HHLA2: variants seen among roughly 807,000 people sequenced by gnomAD.
HHLA2 encodes HHLA2 member of B7 family.
Under a neutral mutation model 45.9 loss-of-function variants are expected in HHLA2, and 48 were observed. The observed-to-expected ratio is 1.05, with a 90% CI of 0.83 to 1.33. The LOEUF (loss-of-function observed/expected upper bound fraction) is 1.33. Ranked by LOEUF, HHLA2 falls within the 40% of genes most tolerant of loss-of-function variation. The pLI is 0.00. For synonymous variants in HHLA2, 161 were observed against 173.9 expected (o/e 0.93, Z 0.59); for missense variants, 462 against 494.3 (o/e 0.93, Z 0.62).
At chr3:108,358,120 C>T (rs1455892963) in exon 7 of HHLA2, 15 of 1,612,880 alleles carry the variant, frequency 9.3e-6, no homozygotes, top group Non-Finnish European at 1.2e-5. Context: ...AATATTTCTT[C>T]GGATGAATAT....
rs369237811 is a variant in HHLA2, at chr3:108,357,981, C to G, written c.823C>G (p.Leu275Val). 11 of 1,613,804 alleles carry G rather than the reference C, an allele frequency of 6.8e-6. No homozygotes were observed. In the African/African-American group the frequency reaches 1.2e-4, roughly 18 times the overall value. ...GACTTTCTCTGTCCTGGCTTACTAT[C>G]TGAGCTCCTCACAAAATACAATTAT... Residue 275 changes from leucine (L) to valine (V), a missense_variant, in exon 7 of 11, where the codon CTG (leucine) becomes GTG (valine). By Grantham distance (32) the Leu-to-Val change is conservative. Around this residue, in one of 3 missense-constraint regions of HHLA2, gnomAD observed 335 missense variants for 367.4 expected, o/e 0.91. Coordinates refer to ENST00000619531, the Ensembl canonical transcript of HHLA2.
At chr3:108,376,632 CTGAT>C in intron 10 of HHLA2, 75 bp downstream of exon 9, 1 of 1,281,808 alleles carries the variant, frequency 7.8e-7, no homozygotes, top group Non-Finnish European at 1.1e-6. Flanking sequence ...GAAGTTCTGA[CTGAT>C]TCACATATCA....
At chr3:108,373,828 AG>A (rs2082224137) in intron 8 of HHLA2, among the ~76,000 whole-genome samples, 1 of 152,002 alleles carries the variant, frequency 6.6e-6, no homozygotes, top group Non-Finnish European at 1.5e-5. Context: ...GAAATAAAAG[AG>A]GATACAAACA....
chr3:108,325,236 A>C (rs949057476), intron 2 of HHLA2, among the ~76,000 whole-genome samples: 5 of 148,288 alleles, frequency 3.4e-5, no homozygotes, highest in Non-Finnish European at 7.4e-5. Context: ...TGCAAAAAAC[A>C]AAAAAAAACT....
chr3:108,328,692 C>T (rs938402353), intron 3 of HHLA2, among the ~76,000 whole-genome samples: 3 of 152,014 alleles, frequency 2.0e-5, no homozygotes, highest in African/African-American at 4.8e-5. Context: ...TTAGGAGTGG[C>T]GTTTTTTACT....
chr3:108,356,202 G>A (rs1453619115), intron 6 of HHLA2, among the ~76,000 whole-genome samples: 1 of 151,744 alleles, frequency 6.6e-6, no homozygotes, highest in Non-Finnish European at 1.5e-5. Context: ...GCTAATTTTT[G>A]TATTTTTTTA....
chr3:108,354,723 A>G (rs1360059982), intron 5 of HHLA2, among the ~76,000 whole-genome samples: 4 of 152,128 alleles, frequency 2.6e-5, no homozygotes, highest in African/African-American at 9.7e-5. Flanking sequence ...TCACAAAATT[A>G]TGTGTAAACA....
intron 3 of HHLA2, among the ~76,000 whole-genome samples, chr3:108,342,181 T>C (rs543229403): frequency 4.1e-4 from 62 of 152,044 alleles, no homozygotes; most frequent in South Asian, 3.5e-3. Flanking sequence ...CATATCCTAC[T>C]AAAGTCTTCT....
At chr3:108,310,435 G>GA (rs1298949699) in intron 1 of HHLA2, among the ~76,000 whole-genome samples, 2 of 151,960 alleles carry the variant, frequency 1.3e-5, no homozygotes, top group Admixed American at 6.6e-5. Context: ...CCTCTTATTG[G>GA]AAAAAATCAG....
intron 2 of HHLA2, among the ~76,000 whole-genome samples, chr3:108,324,629 G>A (rs2081258017): frequency 6.6e-6 from 1 of 152,166 alleles, no homozygotes; most frequent in South Asian, 2.1e-4. Context: ...TGGTAATCCT[G>A]TCCTTGCTTT....
intron 5 of HHLA2, 119 bp downstream of exon 4, chr3:108,353,899 A>G: frequency 1.4e-6 from 1 of 707,078 alleles, no homozygotes; most frequent in Non-Finnish European, 2.3e-6. Flanking sequence ...AAATCTACTT[A>G]TTTTTAACGC....
chr3:108,362,083 TC>T (rs1187925597), intron 7 of HHLA2, among the ~76,000 whole-genome samples: 1 of 152,198 alleles, frequency 6.6e-6, no homozygotes, highest in Non-Finnish European at 1.5e-5. Context: ...TCTGTAGGTT[TC>T]CCACAATAGA....
intron 7 of HHLA2, among the ~76,000 whole-genome samples, chr3:108,359,395 G>A (rs2081952368): frequency 6.6e-6 from 1 of 152,170 alleles, no homozygotes; most frequent in Non-Finnish European, 1.5e-5. Context: ...AAGAGGACTT[G>A]GCAGGAGCCA....
intron 3 of HHLA2, among the ~76,000 whole-genome samples, chr3:108,335,597 A>G (rs907445855): frequency 1.3e-5 from 2 of 152,210 alleles, no homozygotes; most frequent in Admixed American, 1.3e-4. Context: ...AACATAGAAG[A>G]AGATTGACTA....
chr3:108,328,329 C>T (rs2107369587), exon 3 of HHLA2: 1 of 1,531,386 alleles, frequency 6.5e-7, no homozygotes, highest in Admixed American at 2.0e-5. Context: ...ATACTAAAGC[C>T]TAGAACGCAC....
At chr3:108,330,099 G>A (rs1277402083) in intron 3 of HHLA2, among the ~76,000 whole-genome samples, 3 of 152,178 alleles carry the variant, frequency 2.0e-5, no homozygotes, top group Non-Finnish European at 2.9e-5. Flanking sequence ...ACACAGCACA[G>A]CAGCTGATCT....
At chr3:108,318,054 G>T (rs954185380) in intron 2 of HHLA2, among the ~76,000 whole-genome samples, 1 of 151,814 alleles carries the variant, frequency 6.6e-6, no homozygotes, top group South Asian at 2.1e-4. Flanking sequence ...GGTGGCACAT[G>T]CCTGTAATCC....
chr3:108,302,991 C>T (rs1385897198), intron 1 of HHLA2, among the ~76,000 whole-genome samples: 1 of 152,052 alleles, frequency 6.6e-6, no homozygotes, highest in Non-Finnish European at 1.5e-5. Flanking sequence ...TCTTCTCCAC[C>T]CATGCCCCAT....
exon 5 of HHLA2, chr3:108,353,626 T>C (rs1238139584): frequency 1.9e-6 from 3 of 1,613,640 alleles, no homozygotes; most frequent in Admixed American, 1.7e-5. Context: ...ATCCCAGATA[T>C]GCAAACAGGA....
Sources: gnomAD v4.1 joint callset for allele counts (sites outside exome capture counted in the v4.1 genomes callset) on GRCh38, gnomAD v4.1.1 for gene constraint, gnomAD v4.1.1 regional missense constraint, MANE v1.5 for transcripts, NCBI Gene and HGNC (gene_info 2026-07-23, HGNC 2026-07-21) for gene names.